The following NRXN1 variants were observed in gnomAD, a reference collection of about 807,000 sequenced individuals.
NRXN1 encodes the protein neurexin 1, also known as neurexin-1.
In NRXN1, 39 loss-of-function variants were observed where a neutral mutation model predicts 150.9. That is an observed-to-expected ratio of 0.26 (90% CI 0.20 to 0.34). The LOEUF (loss-of-function observed/expected upper bound fraction) is 0.34, where lower values mean the gene tolerates loss of function less well. Ranked by LOEUF, NRXN1 falls within the 10% of genes least tolerant of loss-of-function variation. The pLI, the probability that NRXN1 is intolerant of heterozygous loss-of-function variation, is 1.00. For missense variants in NRXN1, 1,815 were observed against 1,949.9 expected, an observed-to-expected ratio of 0.93 and a Z score of 1.30; for synonymous variants, 924 against 757.0, an observed-to-expected ratio of 1.22 and a Z score of -3.62.
chr2:50,373,661 A>AAGAAAGAAG (rs1558620100), intron 17 of NRXN1, among the ~76,000 whole-genome samples: 148 of 103,366 alleles, frequency 1.4e-3, no homozygotes, highest in East Asian at 0.014. Context: ...AAAGAAAGAA[A>AAGAAAGAAG]GAAAGAAAGA....
intron 5 of NRXN1, among the ~76,000 whole-genome samples, chr2:50,680,364 T>A (rs766072603): frequency 1.3e-5 from 2 of 152,094 alleles, no homozygotes; most frequent in Non-Finnish European, 1.5e-5. Flanking sequence ...CTATGAAGGA[T>A]GAGTTCTTAT....
At chr2:49,949,561 A>G (rs1673556561) in intron 21 of NRXN1, among the ~76,000 whole-genome samples, 1 of 151,934 alleles carries the variant, frequency 6.6e-6, no homozygotes, top group South Asian at 2.1e-4. Context: ...TTGTAAGGAA[A>G]AGAGCAATTT....
At chr2:50,931,634 A>G (rs1687761952) in intron 2 of NRXN1, among the ~76,000 whole-genome samples, 1 of 152,006 alleles carries the variant, frequency 6.6e-6, no homozygotes, top group South Asian at 2.1e-4. Flanking sequence ...GGAAAAATGC[A>G]CAGCATATTA....
intron 5 of NRXN1, among the ~76,000 whole-genome samples, chr2:50,781,817 G>A (rs892266171): frequency 1.3e-5 from 2 of 152,108 alleles, no homozygotes; most frequent in African/African-American, 2.4e-5. Context: ...GCCTCAATTC[G>A]GATCTGGCTC....
chr2:50,635,773 G>A (rs372761506), intron 5 of NRXN1, among the ~76,000 whole-genome samples: 45 of 152,264 alleles, frequency 3.0e-4, no homozygotes, highest in African/African-American at 1.0e-3. Context: ...AAGGGAGGTG[G>A]GAAGTGGGGA....
chr2:50,430,791 C>A (rs562098585), intron 17 of NRXN1, among the ~76,000 whole-genome samples: 10 of 152,274 alleles, frequency 6.6e-5, no homozygotes, highest in African/African-American at 2.2e-4. Context: ...TATCTAATTC[C>A]TAATAGGAAT....
At chr2:50,901,693 C>T (rs1019518157) in intron 5 of NRXN1, among the ~76,000 whole-genome samples, 4 of 152,004 alleles carry the variant, frequency 2.6e-5, no homozygotes, top group Admixed American at 6.6e-5. Context: ...AACAATAGTT[C>T]GATATCACGT....
intron 18 of NRXN1, among the ~76,000 whole-genome samples, chr2:50,157,896 A>G (rs1446777102): frequency 1.3e-5 from 2 of 152,010 alleles, no homozygotes; most frequent in Admixed American, 6.6e-5. Context: ...GGGCCATTTC[A>G]TGACTGGGAT....
intron 21 of NRXN1, among the ~76,000 whole-genome samples, chr2:50,035,933 A>G (rs1689964968): frequency 6.6e-6 from 1 of 152,174 alleles, no homozygotes; most frequent in African/African-American, 2.4e-5. Context: ...AAAGCTAACT[A>G]TAAGACTTAA....
intron 5 of NRXN1, among the ~76,000 whole-genome samples, chr2:50,884,820 T>A (rs1360237138): frequency 6.9e-6 from 1 of 144,992 alleles, no homozygotes; most frequent in Non-Finnish European, 1.6e-5. Context: ...ACATACTGTT[T>A]TTTAAAAAAA....
chr2:50,050,432 G>A lies in NRXN1; in HGVS notation c.4128+2839C>T, dbSNP rs1306487590. Among the ~76,000 whole-genome samples, 4 of 152,004 alleles carry A rather than the reference G, an allele frequency of 2.6e-5. No homozygotes were observed. The South Asian group carries it at 6.2e-4, about 24-fold the overall frequency. ...AAGGTACATTGCCATTGTAGCTTAA[G>A]TGGCTCAGTGTTATCACTGAGAAAA... On this transcript the variant is annotated intron_variant, in intron 21 of 22. Transcript: ENST00000401669.
intron 5 of NRXN1, among the ~76,000 whole-genome samples, chr2:50,791,571 C>A (rs1001315721): frequency 7.9e-5 from 12 of 151,992 alleles, no homozygotes; most frequent in African/African-American, 2.9e-4. Flanking sequence ...CCTAAGTTTG[C>A]CAAATGCACA....
chr2:50,935,166 T>A (rs546521609), intron 2 of NRXN1, among the ~76,000 whole-genome samples: 1 of 152,198 alleles, frequency 6.6e-6, no homozygotes, highest in African/African-American at 2.4e-5. Context: ...CTATCTTATA[T>A]AATGTATTCT....
chr2:50,132,569 C>A (rs955294978), intron 18 of NRXN1, among the ~76,000 whole-genome samples: 1 of 151,946 alleles, frequency 6.6e-6, no homozygotes, highest in Non-Finnish European at 1.5e-5. Context: ...CCTCCCAAAG[C>A]GCTGAGATTA....
intron 5 of NRXN1, among the ~76,000 whole-genome samples, chr2:50,650,940 A>C (rs921045190): frequency 1.4e-4 from 22 of 152,064 alleles, no homozygotes; most frequent in Non-Finnish European, 7.4e-5. Context: ...TTTGGAATTA[A>C]CTTTGAGTAG....
intron 2 of NRXN1, among the ~76,000 whole-genome samples, chr2:51,003,995 C>T (rs1285081298): frequency 6.6e-6 from 1 of 151,694 alleles, no homozygotes; most frequent in Non-Finnish European, 1.5e-5. Context: ...AATGCCTTCG[C>T]TCTTTATCCT....
intron 18 of NRXN1, among the ~76,000 whole-genome samples, chr2:50,167,482 G>A (rs865807161): frequency 1.3e-5 from 2 of 151,696 alleles, no homozygotes; most frequent in Admixed American, 1.3e-4. Flanking sequence ...GGCATCTGGT[G>A]CTATTGGCAA....
intron 6 of NRXN1, among the ~76,000 whole-genome samples, chr2:50,621,553 C>T (rs1019341787): frequency 2.4e-4 from 37 of 152,068 alleles, no homozygotes; most frequent in African/African-American, 8.7e-4. Context: ...GACAATGTTC[C>T]CTTTGTCTTC....
intron 21 of NRXN1, among the ~76,000 whole-genome samples, chr2:49,950,606 CTT>C (rs1282774084): frequency 6.6e-6 from 1 of 151,946 alleles, no homozygotes; most frequent in African/African-American, 2.4e-5. Context: ...ACAAATAACT[CTT>C]TAATACAAAT....
Sources: gnomAD v4.1 joint callset for allele counts (sites outside exome capture counted in the v4.1 genomes callset) on GRCh38, gnomAD v4.1.1 for gene constraint, MANE v1.5 for transcripts, NCBI Gene and HGNC (gene_info 2026-07-23, HGNC 2026-07-21) for gene names.